IQSEC1: variants seen among roughly 807,000 people sequenced by gnomAD.
IQSEC1 encodes the protein IQ motif and SEC7 domain-containing protein 1.
IQSEC1 carries 31 observed loss-of-function variants against 91.0 expected under a neutral mutation model. The ratio of observed to expected loss-of-function variants is 0.34; its 90% CI spans 0.26 to 0.46. The LOEUF (loss-of-function observed/expected upper bound fraction) is 0.46. Ranked by LOEUF, IQSEC1 falls within the 20% of genes least tolerant of loss-of-function variation. The pLI, the probability that IQSEC1 is intolerant of heterozygous loss-of-function variation, is 1.00. For synonymous variants in IQSEC1, 699 were observed against 662.6 expected (o/e 1.05, Z -0.84); for missense variants, 1,388 against 1,575.6 (o/e 0.88, Z 2.02).
At chr3:12,948,643 G>T (rs1160272642) in intron 1 of IQSEC1, among the ~76,000 whole-genome samples, 1 of 152,218 alleles carries the variant, frequency 6.6e-6, no homozygotes, top group African/African-American at 2.4e-5. Context: ...TGTTAGCCAG[G>T]GGAGGTTCTG....
Position 13,147,510 on chromosome 3 carries a change from T to G in IQSEC1, c.302+16594A>C, listed in dbSNP as rs188513450. 2.2e-4 allele frequency among the ~76,000 whole-genome samples: 33 copies of G among 152,366 alleles called. No individual in the cohort carries two copies. In the East Asian group the frequency reaches 3.3e-3, roughly 15 times the overall value. On this transcript the variant is annotated intron_variant, in intron 2 of 15. Transcript: ENST00000648114. ...AAAGACATTATGTCATTCCTTTTTA[T>G]GGCTGAGTAGTATTCCATGGTGTAG...
chr3:12,993,290 G>A (rs1702073375), intron 1 of IQSEC1, among the ~76,000 whole-genome samples: 1 of 152,194 alleles, frequency 6.6e-6, no homozygotes, highest in African/African-American at 2.4e-5. Context: ...GGGAGGCAGG[G>A]ACAGGGCCAG....
At chr3:13,118,133 C>G (rs893414119) in intron 2 of IQSEC1, among the ~76,000 whole-genome samples, 1 of 151,982 alleles carries the variant, frequency 6.6e-6, no homozygotes, top group African/African-American at 2.4e-5. Flanking sequence ...AAGAAATGAC[C>G]GATGAGATGA....
At chr3:12,920,307 T>C in intron 6 of IQSEC1, 123 bp downstream of exon 6, 4 of 968,298 alleles carry the variant, frequency 4.1e-6, no homozygotes, top group Non-Finnish European at 6.4e-6. Flanking sequence ...TGCCAGACCC[T>C]GGAGTGCCGG....
At chr3:13,112,638 CACAG>C (rs1706267622) in intron 2 of IQSEC1, among the ~76,000 whole-genome samples, 2 of 152,268 alleles carry the variant, frequency 1.3e-5, no homozygotes, top group East Asian at 1.9e-4. Context: ...AGGAGCCTCG[CACAG>C]ACAGTGGGCC....
intron 2 of IQSEC1, among the ~76,000 whole-genome samples, chr3:13,105,447 T>C (rs998607782): frequency 2.4e-4 from 36 of 152,096 alleles, no homozygotes; most frequent in African/African-American, 8.7e-4. Flanking sequence ...GTCCCACCCC[T>C]GCCGGCAGGG....
Position 12,940,764 on chromosome 3 carries a change from CCATCTGTGCAGTCACTCAGATCCTCATT to C in IQSEC1, c.318+779_318+806del, listed in dbSNP as rs1698672909. Among the ~76,000 whole-genome samples the C allele has an allele frequency of 6.6e-6, 1 of 152,230 alleles. No individual in the cohort carries two copies. Among genetic ancestry groups the C allele is most frequent in the African/African-American group, 2.4e-5 (1 of 41,466 alleles). On this transcript the variant is annotated intron_variant, in intron 2 of 13. Transcript: ENST00000613206. The surrounding 1 kb of genome is among the most constrained non-coding windows in gnomAD (Gnocchi z 4.4). ...CTGGCCCACTCACCCCCTCACTCAT[CCATCTGTGCAGTCACTCAGATCCTCATT>C]CAAACACCTACTGTGCACCTGCACT...
At chr3:12,907,154 C>T (rs1320199391) in intron 12 of IQSEC1, among the ~76,000 whole-genome samples, 1 of 152,166 alleles carries the variant, frequency 6.6e-6, no homozygotes, top group African/African-American at 2.4e-5. Flanking sequence ...TTGAGAAGCC[C>T]TGGGTTCAAC....
chr3:13,097,929 C>T (rs1276743025), intron 2 of IQSEC1, among the ~76,000 whole-genome samples: 1 of 152,216 alleles, frequency 6.6e-6, no homozygotes, highest in Non-Finnish European at 1.5e-5. Context: ...CACAGGGGTG[C>T]ATGGAAGGCC....
intron 1 of IQSEC1, among the ~76,000 whole-genome samples, chr3:12,974,508 CGAA>C (rs1248850245): frequency 2.0e-5 from 3 of 152,310 alleles, no homozygotes; most frequent in South Asian, 4.1e-4. Flanking sequence ...GCAGGGCCCG[CGAA>C]GAACAGTCCT....
At chr3:13,243,245 C>T (rs1311704980) in intron 1 of IQSEC1, among the ~76,000 whole-genome samples, 2 of 152,170 alleles carry the variant, frequency 1.3e-5, no homozygotes, top group African/African-American at 4.8e-5. Context: ...CACCCTTGGG[C>T]AGGGGCTTCT....
chr3:12,952,940 C>T (rs1263829492), intron 1 of IQSEC1, among the ~76,000 whole-genome samples: 2 of 152,244 alleles, frequency 1.3e-5, no homozygotes, highest in Admixed American at 6.5e-5. Flanking sequence ...TGACAGGCAG[C>T]GACCCTGGCC....
intron 2 of IQSEC1, among the ~76,000 whole-genome samples, chr3:13,084,951 G>A (rs1433965949): frequency 6.4e-5 from 8 of 125,562 alleles, no homozygotes; most frequent in African/African-American, 2.1e-4. Flanking sequence ...CCAACAAGAA[G>A]AAACAGCCTC....
rs1321842818 is a variant in IQSEC1 at position 12,922,110 on chromosome 3, C to T, written c.1853+10G>A. On this transcript the variant is annotated intron_variant, in intron 5 of 13. Coordinates refer to ENST00000613206, the MANE Select transcript of IQSEC1 (RefSeq NM_001134382.3). The surrounding 1 kb of genome is among the most constrained non-coding windows in gnomAD (Gnocchi z 5.1). ...CCTGATGCAGCAGCCCCAGCCAGCC[C>T]GGGCCCCACCTGAACGCCTCTATGA... 5.1e-6 allele frequency: 8 copies of T among 1,575,380 alleles called. No individual in the cohort carries two copies. The highest frequency in any genetic ancestry group is 3.5e-5 in the Admixed American group (2 of 56,550).
rs540341016 is a variant in IQSEC1, at chr3:12,967,924, G to A, written c.24-26059C>T. Among the ~76,000 whole-genome samples, 1 of 145,854 alleles carries A rather than the reference G, an allele frequency of 6.9e-6. No homozygotes were observed. The highest frequency in any genetic ancestry group is 1.6e-5 in the Non-Finnish European group (1 of 63,812). On this transcript the variant is annotated intron_variant, in intron 1 of 13. Coordinates refer to ENST00000613206, the MANE Select transcript of IQSEC1 (RefSeq NM_001134382.3). This position sits in a 1 kb window ranked among gnomAD's most constrained non-coding sequence, Gnocchi z 5.9. ...TCAGGGGCGGGGCGTCAGGGGCGGG[G>A]CTACGCGCAGGGGCGGGGCCGAGCC...
intron 1 of IQSEC1, among the ~76,000 whole-genome samples, chr3:13,224,159 C>T (rs1404346873): frequency 6.6e-5 from 10 of 152,194 alleles, no homozygotes; most frequent in Non-Finnish European, 1.3e-4. Flanking sequence ...CGGTGCAGAG[C>T]GAGAGCCTAC....
intron 1 of IQSEC1, among the ~76,000 whole-genome samples, chr3:12,975,785 G>A (rs1701139185): frequency 6.6e-6 from 1 of 152,188 alleles, no homozygotes; most frequent in Non-Finnish European, 1.5e-5. Flanking sequence ...TTTGTTTAAG[G>A]GCAAACAGCT....
At position 12,900,200 on chromosome 3, in the gene IQSEC1, C is replaced by T; in HGVS notation, c.*783G>A. 3 of 979,120 alleles carry T rather than the reference C, an allele frequency of 3.1e-6. No individual in the cohort carries two copies. Among genetic ancestry groups the T allele is most frequent in the African/African-American group, 1.7e-5 (1 of 57,168 alleles). 60.7% of individuals were successfully genotyped at this position (979,120 alleles called of 1,614,324 possible). A position where few individuals can be genotyped will look rare whatever the true frequency, so the allele number is the denominator to read the frequency against. Reference sequence around the variant, plus strand: ...ACAAAGCAATACTGGACTTTTTAAACAGTTAGATGCTATGTTACTTGGCAC... The same window carrying T: ...ACAAAGCAATACTGGACTTTTTAAATAGTTAGATGCTATGTTACTTGGCAC... On this transcript the variant is annotated 3_prime_UTR_variant, in exon 14 of 14. Transcript: ENST00000613206.
intron 6 of IQSEC1, among the ~76,000 whole-genome samples, chr3:12,917,477 A>G (rs963895035): frequency 6.6e-6 from 1 of 152,194 alleles, no homozygotes; most frequent in African/African-American, 2.4e-5. Flanking sequence ...AGAATGTCAT[A>G]GAGTTGGAAT....
Sources: gnomAD v4.1 joint callset for allele counts (sites outside exome capture counted in the v4.1 genomes callset) on GRCh38, gnomAD v4.1.1 for gene constraint, Gnocchi (gnomAD v3.1) non-coding constraint, MANE v1.5 for transcripts, NCBI Gene and HGNC (gene_info 2026-07-23, HGNC 2026-07-21) for gene names.